Variants in ITGB1BP2 observed in about 807,000 individuals in gnomAD.
The protein encoded by ITGB1BP2 is integrin beta-1-binding protein 2.
Under a neutral mutation model 32.2 loss-of-function variants are expected in ITGB1BP2, and 27 were observed. That is an observed-to-expected ratio of 0.84 (90% CI 0.62 to 1.16). The LOEUF (loss-of-function observed/expected upper bound fraction) is 1.16. Among genes scored for constraint, ITGB1BP2 ranks in the 50% most tolerant of loss-of-function variants. ITGB1BP2 has a pLI of 0.00. For synonymous variants in ITGB1BP2, 105 were observed against 94.7 expected (o/e 1.11, Z -0.63); for missense variants, 250 against 267.3 (o/e 0.94, Z 0.45).
At chrX:71,303,128 G>A in intron 4 of ITGB1BP2, 134 bp from the exon 5 acceptor site, 1 of 517,949 alleles carries the variant, frequency 1.9e-6, no homozygotes, top group Non-Finnish European at 3.2e-6. Context: ...ATTGGCAATG[G>A]GGTTGCTACC....
At chrX:71,302,670 G>A (rs1602393951) in intron 4 of ITGB1BP2, 114 bp downstream of exon 4, 3 of 854,242 alleles carry the variant, frequency 3.5e-6, no homozygotes, top group East Asian at 3.4e-5. Context: ...AGGGCCAGAT[G>A]TCAGGGTTTG....
chrX:71,303,393 G>A (rs753375654), intron 5 of ITGB1BP2, 37 bp downstream of exon 5: 12 of 1,206,988 alleles, frequency 9.9e-6, no homozygotes, highest in Non-Finnish European at 1.2e-5. Flanking sequence ...TTCATAGACT[G>A]GAATTTAGTG....
chrX:71,303,640 C>T lies in ITGB1BP2; in HGVS notation c.482C>T (p.Pro161Leu). The change falls in exon 7 of 11, where the codon CCT becomes CTT. Residue 161 changes from proline to leucine, a missense_variant. Coordinates refer to ENST00000373829, the MANE Select transcript of ITGB1BP2 (RefSeq NM_012278.4). ...NPGCDAVYQG[P>L]ESDATPCTYH... Reference sequence around the variant, plus strand: ...TATCCTTCTTAGGTTTACCAAGGCCCTGAGAGTGATGCTACTCCATGTACC... The same window carrying T: ...TATCCTTCTTAGGTTTACCAAGGCCTTGAGAGTGATGCTACTCCATGTACC... 1 of 1,210,857 alleles carries T rather than the reference C, an allele frequency of 8.3e-7. No homozygotes were observed. The highest frequency in any genetic ancestry group is 1.1e-6 in the Non-Finnish European group (1 of 895,054).
Position 71,305,049 on chromosome X carries a change from G to A in ITGB1BP2, c.901G>A (p.Ala301Thr). 1 of 1,211,428 alleles carries A rather than the reference G, an allele frequency of 8.3e-7. No individual in the cohort carries two copies. The highest frequency in any genetic ancestry group is 1.1e-6 in the Non-Finnish European group (1 of 895,337). ...GGTCAAGGCTGACCCAGGATCCTGG[G>A]CCCAGCTGGAGCACCCTGATGCACT... ...SLVKADPGSW[A>T]QLEHPDALAK... Residue 301 changes from alanine to threonine, a missense_variant, in exon 11 of 11, where the codon GCC (alanine) becomes ACC (threonine). Physicochemically the swap from Ala to Thr is moderately conservative, Grantham distance 58 (BLOSUM62 0). Coordinates refer to ENST00000373829, the MANE Select transcript of ITGB1BP2 (RefSeq NM_012278.4).
intron 4 of ITGB1BP2, among the ~76,000 whole-genome samples, chrX:71,302,801 A>G (rs990081860): frequency 8.9e-6 from 1 of 111,817 alleles, no homozygotes; most frequent in African/African-American, 3.3e-5. Context: ...CCCCTCACAA[A>G]TACATCCTTA....
chrX:71,303,975 C>T (rs1222955413), intron 8 of ITGB1BP2, 64 bp downstream of exon 8: 2 of 933,160 alleles, frequency 2.1e-6, no homozygotes, highest in Middle Eastern at 3.1e-4. Context: ...TCTCCTCCCT[C>T]TCTGTACCAC....
In ITGB1BP2 at chrX:71,302,449, T is replaced by C. The variant is rs2031630756; in HGVS notation, c.210T>C (p.Pro70=). 1.7e-6 allele frequency: 2 copies of C among 1,209,643 alleles called. No individual in the cohort carries two copies. Among genetic ancestry groups the C allele is most frequent in the African/African-American group, 3.5e-5 (2 of 57,080 alleles). ...GACCACACTGTGCTGAGAAGCTTCC[T>C]GAGGCCCCTCAACCTGAAGGCCCTG... The part of the protein sequence containing the change: ...TMGPHCAEKL[P]EAPQPEGPAT... The change falls in exon 4 of 11, where the codon CCT becomes CCC. Residue 70 remains proline, a synonymous_variant. Transcript: ENST00000373829.
Position 71,301,825 on chromosome X carries a change from A to C in ITGB1BP2, c.19A>C (p.Asn7His), listed in dbSNP as rs769411972. 7.4e-6 allele frequency: 9 copies of C among 1,210,300 alleles called. No individual in the cohort carries two copies. The highest frequency in any genetic ancestry group is 7.8e-6 in the Non-Finnish European group (7 of 894,367). The stretch of plus-strand genomic sequence containing the variant: ...CGCTTCCATGTCTCTACTCTGTCGT[A>C]ACAAAGGCTGTGGGCAGCACTTTGA... Reference protein sequence around the residue: MSLLCRNKGCGQHFDPN... With the variant: MSLLCRHKGCGQHFDPN... The change falls in exon 1 of 11, where the codon AAC (asparagine) becomes CAC (histidine). Residue 7 changes from asparagine (N) to histidine (H), a missense_variant. By Grantham distance (68) the Asn-to-His change is moderately conservative. Transcript: ENST00000373829.
chrX:71,303,628 T>C lies in ITGB1BP2; in HGVS notation c.470T>C (p.Val157Ala). The change falls in exon 7 of 11, where the codon GTT becomes GCT. Residue 157 changes from valine to alanine, a missense_variant and splice_region_variant. Physicochemically the swap from Val to Ala is moderately conservative, Grantham distance 64. Transcript: ENST00000373829. ...SSCQNPGCDA[V>A]YQGPESDATP... ...CTGGTTCTACTTTATCCTTCTTAGG[T>C]TTACCAAGGCCCTGAGAGTGATGCT... 8.3e-7 allele frequency: 1 copy of C among 1,209,853 alleles called. No individual in the cohort carries two copies. Among genetic ancestry groups the C allele is most frequent in the Non-Finnish European group, 1.1e-6 (1 of 894,466 alleles).
rs2031611634 is a variant in ITGB1BP2, at chrX:71,301,753, C to T, written c.-54C>T. The T allele has an allele frequency of 9.3e-6, 10 of 1,076,590 alleles. No individual in the cohort carries two copies. The highest frequency in any genetic ancestry group is 4.5e-5 in the Admixed American group (2 of 44,834). The allele number at this position is 1,076,590 out of a possible 1,213,427, so 88.7% of individuals were successfully genotyped here. On this transcript the variant is annotated 5_prime_UTR_variant, in exon 1 of 11. Coordinates refer to ENST00000373829, the MANE Select transcript of ITGB1BP2 (RefSeq NM_012278.4). ...TCCAGACTAAGAGGTGTTCCCCATT[C>T]GGCAGCCAGACTCCTTGAAATACCC... is the stretch of plus-strand genomic sequence containing the variant.
At chrX:71,302,011 T>A in intron 1 of ITGB1BP2, 126 bp from the exon 2 acceptor site, 1 of 914,496 alleles carries the variant, frequency 1.1e-6, no homozygotes. Context: ...CAGCCTTTGC[T>A]GGCTTTTTTT....
intron 5 of ITGB1BP2, 34 bp downstream of exon 5, chrX:71,303,390 A>T: frequency 8.3e-7 from 1 of 1,207,933 alleles, no homozygotes; most frequent in Non-Finnish European, 1.1e-6. Flanking sequence ...AACTTCATAG[A>T]CTGGAATTTA....
At position 71,303,478 on chromosome X, in the gene ITGB1BP2, C is replaced by G; in HGVS notation, c.430C>G (p.Arg144Gly). ...EPGAGLDSLIRTGSSCQNPGC... is the reference protein window; with the variant it reads ...EPGAGLDSLIGTGSSCQNPGC... ...TTGCCCAGGACTTGACAGTCTGATCCGGACTGGTTCCAGCTGCCAGAACCC... is the reference window on the plus strand; with the variant it reads ...TTGCCCAGGACTTGACAGTCTGATCGGGACTGGTTCCAGCTGCCAGAACCC... Residue 144 changes from arginine (R) to glycine (G), a missense_variant, in exon 6 of 11, where the codon CGG (arginine) becomes GGG (glycine). Physicochemically the swap from Arg to Gly is moderately radical, Grantham distance 125. Coordinates refer to ENST00000373829, the MANE Select transcript of ITGB1BP2 (RefSeq NM_012278.4). 8.3e-7 allele frequency: 1 copy of G among 1,211,490 alleles called. No homozygotes were observed. Among genetic ancestry groups the G allele is most frequent in the Non-Finnish European group, 1.1e-6 (1 of 895,433 alleles).
intron 5 of ITGB1BP2, 32 bp from the exon 6 acceptor site, chrX:71,303,429 G>A (rs781302182): frequency 1.7e-6 from 2 of 1,210,983 alleles, no homozygotes; most frequent in Admixed American, 4.4e-5. Flanking sequence ...TGGGGGGATG[G>A]ATAAGTTCCT....
At chrX:71,302,641 A>G in intron 4 of ITGB1BP2, 85 bp downstream of exon 4, 1 of 1,007,405 alleles carries the variant, frequency 9.9e-7, no homozygotes, top group Non-Finnish European at 1.3e-6. Flanking sequence ...ACTGGGAACT[A>G]GGGACCAGGG....
chrX:71,302,604 C>G, intron 4 of ITGB1BP2, 48 bp downstream of exon 4: 2 of 1,133,269 alleles, frequency 1.8e-6, no homozygotes, highest in Non-Finnish European at 2.3e-6. Context: ...ATGTAGCTTC[C>G]TAGGAGTGAT....
rs2031623708 is a variant in ITGB1BP2 at position 71,302,143 on chromosome X, G to A, written c.71G>A (p.Cys24Tyr). ...FDPNTNLPDS[C>Y]CHHPGVPIFH... ...CTTCTACTGATGTCCACAGATTCCT[G>A]TTGCCATCACCCTGGGGTCCCAATC... The change falls in exon 2 of 11, where the codon TGT becomes TAT. Residue 24 changes from cysteine (C) to tyrosine (Y), a missense_variant. Cys to Tyr is a radical substitution (Grantham distance 194). Transcript: ENST00000373829. 3 of 1,207,472 alleles carry A rather than the reference G, an allele frequency of 2.5e-6. No individual in the cohort carries two copies. Among genetic ancestry groups the A allele is most frequent in the Non-Finnish European group, 3.4e-6 (3 of 894,457 alleles).
Position 71,304,309 on chromosome X carries a change from T to C in ITGB1BP2, c.753+9T>C. ...AGGCCAGTCAAACTGAGGTGAGCAA[T>C]GATCTGATGTTGGATGGGAGGATAG... On this transcript the variant is annotated intron_variant, in intron 9 of 10. Transcript: ENST00000373829. 1 of 1,130,162 alleles carries C rather than the reference T, an allele frequency of 8.8e-7. No individual in the cohort carries two copies. Among genetic ancestry groups the C allele is most frequent in the Non-Finnish European group, 1.2e-6 (1 of 821,738 alleles). 93.1% of individuals were successfully genotyped at this position (1,130,162 alleles called of 1,213,427 possible).
chrX:71,303,407 G>A (rs1222819171), intron 5 of ITGB1BP2, 51 bp downstream of exon 5: 3 of 1,208,161 alleles, frequency 2.5e-6, no homozygotes, highest in Admixed American at 4.4e-5. Context: ...TTTAGTGGAA[G>A]TGGCAATTGA....
Sources: allele counts gnomAD v4.1 joint callset (sites outside exome capture counted in the v4.1 genomes callset), GRCh38; gene constraint gnomAD v4.1.1; transcripts MANE v1.5; gene names NCBI Gene and HGNC (gene_info 2026-07-23, HGNC 2026-07-21).